KIF21A: variants seen among roughly 807,000 people sequenced by gnomAD.
The protein encoded by KIF21A is kinesin-like protein KIF21A.
In KIF21A, 114 loss-of-function variants were observed where a neutral mutation model predicts 202.9. That is an observed-to-expected ratio of 0.56 (90% CI 0.48 to 0.66). The LOEUF (loss-of-function observed/expected upper bound fraction) is 0.66, where lower values mean the gene tolerates loss of function less well. KIF21A is among the 30% of genes least tolerant of loss of function. The probability of loss-of-function intolerance (pLI) is 0.00; values close to 1 mark genes in which losing one functional copy is unlikely to be tolerated. For missense variants in KIF21A, 1,677 were observed against 1,994.9 expected (o/e 0.84, Z 3.04); for synonymous variants, 667 against 670.8 (o/e 0.99, Z 0.09).
intron 1 of KIF21A, among the ~76,000 whole-genome samples, chr12:39,378,345 A>G (rs1168781388): frequency 6.6e-6 from 1 of 152,224 alleles, no homozygotes; most frequent in Non-Finnish European, 1.5e-5. Context: ...TGTCCAAAGA[A>G]CTACATTGAA....
chr12:39,315,280 A>G, intron 30 of KIF21A, 40 bp from the exon 31 acceptor site: 2 of 1,596,626 alleles, frequency 1.3e-6, no homozygotes, highest in Non-Finnish European at 1.7e-6. Context: ...AACAAGGAAA[A>G]CAAGTGCAAA....
Position 39,442,838 on chromosome 12 carries a change from C to G in KIF21A, c.44+89G>C, listed in dbSNP as rs1324209502. 1 of 1,473,342 alleles carries G rather than the reference C, an allele frequency of 6.8e-7. No individual in the cohort carries two copies. The highest frequency in any genetic ancestry group is 1.2e-5 in the South Asian group (1 of 81,330). The allele number at this position is 1,473,342 out of a possible 1,614,324, so 91.3% of individuals were successfully genotyped here. Reference sequence around the variant, plus strand: ...CGGGACGCCCCTCAGGTCGCTCCACCCCGGTAGCCGGTGCTCCGCGCCACA... The same window carrying G: ...CGGGACGCCCCTCAGGTCGCTCCACGCCGGTAGCCGGTGCTCCGCGCCACA... On this transcript the variant is annotated intron_variant, in intron 1 of 37. Transcript: ENST00000361418. The surrounding 1 kb of genome is among the most constrained non-coding windows in gnomAD (Gnocchi z 5.0).
intron 32 of KIF21A, 144 bp from the exon 33 acceptor site, chr12:39,309,910 C>G: frequency 1.4e-6 from 1 of 721,372 alleles, no homozygotes; most frequent in Non-Finnish European, 2.3e-6. Flanking sequence ...ATCCTAACTT[C>G]ATCCTTGACC....
At chr12:39,358,519 G>C in intron 7 of KIF21A, 146 bp from the exon 8 acceptor site, 1 of 718,144 alleles carries the variant, frequency 1.4e-6, no homozygotes, top group East Asian at 2.7e-5. Context: ...TGTACTTGAA[G>C]ACTATCTTAA....
chr12:39,420,074 T>TAAAAAA (rs72435342), intron 1 of KIF21A, among the ~76,000 whole-genome samples: 1 of 83,128 alleles, frequency 1.2e-5, no homozygotes, highest in Non-Finnish European at 2.4e-5. Flanking sequence ...AGACAGAAAG[T>TAAAAAA]AAAAAAAAAA....
At chr12:39,314,258 T>C (rs913162563) in intron 31 of KIF21A, among the ~76,000 whole-genome samples, 2 of 151,812 alleles carry the variant, frequency 1.3e-5, no homozygotes, top group Admixed American at 1.3e-4. Flanking sequence ...GATGCCATGA[T>C]TTGCATACAT....
At chr12:39,353,055 A>AAG (rs1948516315) in intron 10 of KIF21A, among the ~76,000 whole-genome samples, 2 of 152,150 alleles carry the variant, frequency 1.3e-5, no homozygotes, top group Non-Finnish European at 2.9e-5. Context: ...TCTCTCTCTC[A>AAG]ACACTATATT....
At chr12:39,404,625 T>C (rs1354074494) in intron 1 of KIF21A, among the ~76,000 whole-genome samples, 1 of 152,222 alleles carries the variant, frequency 6.6e-6, no homozygotes, top group Non-Finnish European at 1.5e-5. Context: ...CTATTTAGCA[T>C]AAATGCCATC....
chr12:39,339,567 T>A (rs1342486867), intron 16 of KIF21A, among the ~76,000 whole-genome samples: 1 of 152,192 alleles, frequency 6.6e-6, no homozygotes, highest in Non-Finnish European at 1.5e-5. Context: ...ATCACTTCCA[T>A]ATTTGCTATT....
chr12:39,336,868 T>C (rs1240023488), intron 17 of KIF21A, among the ~76,000 whole-genome samples: 3 of 152,158 alleles, frequency 2.0e-5, no homozygotes, highest in Admixed American at 6.5e-5. Flanking sequence ...ATCTGGAAAA[T>C]AAGCCTCAAA....
Position 39,318,268 on chromosome 12 carries a change from G to A in KIF21A, c.3780-67C>T, listed in dbSNP as rs1186667695. ...TTATGATTTGTTAGAAAAGTTATAA[G>A]AAACATGCTCTTTTAAAAAAAAGCT... On this transcript the variant is annotated intron_variant, in intron 28 of 37. Transcript: ENST00000361418. The A allele has an allele frequency of 6.8e-6, 10 of 1,480,128 alleles. No homozygotes were observed. The South Asian group carries it at 1.1e-4, about 17-fold the overall frequency. The allele number at this position is 1,480,128 out of a possible 1,614,324, so 91.7% of individuals were successfully genotyped here. A position where few individuals can be genotyped will look rare whatever the true frequency, so the allele number is the denominator to read the frequency against.
Position 39,330,929 on chromosome 12 carries a change from A to T in KIF21A, c.3154-18T>A. ...TGAAGACCCTGAAACACAACAAAAA[A>T]TTATCTTAGGTCATACGAAACAGGA... On this transcript the variant is annotated intron_variant, in intron 22 of 37. Transcript: ENST00000361418. The T allele has an allele frequency of 6.2e-7, 1 of 1,613,420 alleles. No individual in the cohort carries two copies. Among genetic ancestry groups the T allele is most frequent in the East Asian group, 2.2e-5 (1 of 44,856 alleles).
chr12:39,358,966 T>C (rs1949002561), intron 7 of KIF21A, among the ~76,000 whole-genome samples: 1 of 152,188 alleles, frequency 6.6e-6, no homozygotes. Flanking sequence ...CCACCGAAGA[T>C]TAGGATAGTG....
At chr12:39,434,754 A>G (rs566623678) in intron 1 of KIF21A, among the ~76,000 whole-genome samples, 4 of 152,262 alleles carry the variant, frequency 2.6e-5, no homozygotes, top group Middle Eastern at 3.4e-3. Context: ...AAGGAATACA[A>G]TTGAGGCTAG....
chr12:39,317,169 T>C (rs1038759831), intron 29 of KIF21A, among the ~76,000 whole-genome samples: 1 of 152,158 alleles, frequency 6.6e-6, no homozygotes, highest in Non-Finnish European at 1.5e-5. Flanking sequence ...GAAGGATCCA[T>C]AAATAAAAGA....
rs183085392 is a variant in KIF21A, at chr12:39,392,891, A to G, written c.45-22630T>C. ...AAAGAAATTTTAAAAGAAAAAGACA[A>G]TAAAATAAAAAGATAATAAAATAAA... On this transcript the variant is annotated intron_variant, in intron 1 of 37. Transcript: ENST00000361418. Among the ~76,000 whole-genome samples the G allele has an allele frequency of 2.6e-3, 385 of 148,228 alleles. 1 individual carries two copies. Among genetic ancestry groups the G allele is most frequent in the South Asian group, 0.016 (74 of 4,504 alleles).
At chr12:39,340,822 A>G (rs1464861822) in intron 15 of KIF21A, 84 bp downstream of exon 15, 31 of 998,738 alleles carry the variant, frequency 3.1e-5, no homozygotes, top group East Asian at 2.8e-4. Flanking sequence ...TACGGCTTCT[A>G]TTTTTTTTCT....
Position 39,397,716 on chromosome 12 carries a change from G to A in KIF21A, c.45-27455C>T, listed in dbSNP as rs1231081059. Among the ~76,000 whole-genome samples the A allele has an allele frequency of 2.6e-5, 4 of 152,236 alleles. No homozygotes were observed. The South Asian group carries it at 8.3e-4, about 32-fold the overall frequency. The stretch of plus-strand genomic sequence containing the variant: ...AACTGTTGTAGTAGTAGGGCCCTGG[G>A]ATCTATATCTTCACCAATTCCCCCA... On this transcript the variant is annotated intron_variant, in intron 1 of 37. Coordinates refer to ENST00000361418, the MANE Select transcript of KIF21A (RefSeq NM_001173464.2).
intron 17 of KIF21A, among the ~76,000 whole-genome samples, chr12:39,336,480 A>T (rs1946982100): frequency 6.6e-6 from 1 of 152,120 alleles, no homozygotes; most frequent in Non-Finnish European, 1.5e-5. Flanking sequence ...TCAAAATATA[A>T]ATGGAATGTA....
Sources: allele counts gnomAD v4.1 joint callset (sites outside exome capture counted in the v4.1 genomes callset), GRCh38; gene constraint gnomAD v4.1.1; non-coding constraint Gnocchi (gnomAD v3.1); transcripts MANE v1.5; gene names NCBI Gene and HGNC (gene_info 2026-07-23, HGNC 2026-07-21).